The following DDX4 variants were observed in gnomAD, a reference collection of about 807,000 sequenced individuals.
DDX4 encodes DEAD-box helicase 4, also known as probable ATP-dependent RNA helicase DDX4.
In DDX4, 25 loss-of-function variants were observed where a neutral mutation model predicts 100.0. The observed-to-expected ratio is 0.25, with a 90% CI of 0.18 to 0.35. The LOEUF (loss-of-function observed/expected upper bound fraction) is 0.35, where lower values mean the gene tolerates loss of function less well. Ranked by LOEUF, DDX4 falls within the 10% of genes least tolerant of loss-of-function variation. The probability of loss-of-function intolerance (pLI) is 1.00; values close to 1 mark genes in which losing one functional copy is unlikely to be tolerated. For synonymous variants in DDX4, 259 were observed against 275.7 expected (o/e 0.94, Z 0.60); for missense variants, 635 against 882.4 (o/e 0.72, Z 3.55).
At chr5:55,816,384 C>G in intron 21 of DDX4, 79 bp from the exon 22 acceptor site, 1 of 1,516,662 alleles carries the variant, frequency 6.6e-7, no homozygotes, top group South Asian at 1.3e-5. Context: ...TGCTCTCAGT[C>G]TGAGTGATGT....
intron 7 of DDX4, among the ~76,000 whole-genome samples, chr5:55,778,404 C>T (rs1215505544): frequency 6.6e-6 from 1 of 151,396 alleles, no homozygotes; most frequent in Non-Finnish European, 1.5e-5. Flanking sequence ...AGGAAGAAGA[C>T]TAGATTAAAA....
chr5:55,760,942 C>T (rs990731817), intron 4 of DDX4, among the ~76,000 whole-genome samples: 4 of 151,930 alleles, frequency 2.6e-5, no homozygotes, highest in African/African-American at 7.3e-5. Context: ...GATGCCATAG[C>T]GAGGGCTATT....
At chr5:55,815,240 A>T in intron 20 of DDX4, 69 bp downstream of exon 20, 1 of 1,598,186 alleles carries the variant, frequency 6.3e-7, no homozygotes, top group Non-Finnish European at 8.5e-7. Context: ...CATTTTATGC[A>T]TGTGTATATA....
chr5:55,810,452 T>C (rs1421187094), intron 18 of DDX4, among the ~76,000 whole-genome samples: 1 of 152,176 alleles, frequency 6.6e-6, no homozygotes, highest in Non-Finnish European at 1.5e-5. Context: ...TGCAGTACGT[T>C]TATCACTTGA....
intron 18 of DDX4, among the ~76,000 whole-genome samples, chr5:55,808,776 A>G (rs1026171337): frequency 6.6e-6 from 1 of 152,150 alleles, no homozygotes; most frequent in Non-Finnish European, 1.5e-5. Flanking sequence ...GACCCGCTTG[A>G]GGAGGCAGTC....
At chr5:55,789,020 C>T (rs1380864776) in intron 15 of DDX4, among the ~76,000 whole-genome samples, 1 of 152,082 alleles carries the variant, frequency 6.6e-6, no homozygotes, top group Non-Finnish European at 1.5e-5. Context: ...GTGATTGCGC[C>T]ACTGCATTCC....
In DDX4 at chr5:55,767,910, A is replaced by G. The variant is rs141132406; in HGVS notation, c.364A>G (p.Thr122Ala). ...TAGTAATGACTGCGAAGATAATCCA[A>G]CACGGAACAGAGGGTTTTCCAAGAG... ...ESSNDCEDNPTRNRGFSKRGG... is the reference protein window; with the variant it reads ...ESSNDCEDNPARNRGFSKRGG... The change falls in exon 7 of 22, where the codon ACA becomes GCA. Residue 122 changes from threonine to alanine, a missense_variant. Around this residue, in one of 4 missense-constraint regions of DDX4, gnomAD observed 446 missense variants for 540.8 expected, o/e 0.82. Transcript: ENST00000505374. The G allele has an allele frequency of 5.5e-5, 88 of 1,614,026 alleles. No individual in the cohort carries two copies. In the African/African-American group the frequency reaches 1.0e-3, roughly 19 times the overall value.
chr5:55,769,995 G>A (rs535592757), intron 7 of DDX4, among the ~76,000 whole-genome samples: 1 of 151,754 alleles, frequency 6.6e-6, no homozygotes, highest in African/African-American at 2.4e-5. Flanking sequence ...ACCCTCTCTA[G>A]TAGCTGGGAC....
At chr5:55,743,561 C>G (rs2111573676) in intron 2 of DDX4, among the ~76,000 whole-genome samples, 1 of 152,232 alleles carries the variant, frequency 6.6e-6, no homozygotes, top group Admixed American at 6.5e-5. Flanking sequence ...TCCTGAGTAG[C>G]TGGGATTACA....
chr5:55,753,487 T>C (rs572600198), intron 3 of DDX4, among the ~76,000 whole-genome samples: 6 of 152,310 alleles, frequency 3.9e-5, no homozygotes, highest in South Asian at 2.1e-4. Flanking sequence ...GTTGTAGATA[T>C]GCTGCGTTAT....
intron 18 of DDX4, 89 bp downstream of exon 18, chr5:55,798,660 CTT>C: frequency 5.5e-6 from 7 of 1,275,882 alleles, no homozygotes; most frequent in Non-Finnish European, 7.3e-6. Flanking sequence ...TTTGGTCTGA[CTT>C]TTCATAAGTT....
chr5:55,763,051 C>T (rs933087247), intron 4 of DDX4, 124 bp from the exon 5 acceptor site: 26 of 589,152 alleles, frequency 4.4e-5, no homozygotes, highest in Non-Finnish European at 6.6e-5. Flanking sequence ...TTTTAGGTTT[C>T]TGTGCTACTC....
chr5:55,766,690 A>G (rs1184491950), intron 6 of DDX4, among the ~76,000 whole-genome samples: 2 of 152,120 alleles, frequency 1.3e-5, no homozygotes, highest in Non-Finnish European at 2.9e-5. Flanking sequence ...ATGGATTGGG[A>G]CTTTCACACA....
chr5:55,767,268 G>A (rs938641716), intron 6 of DDX4, among the ~76,000 whole-genome samples: 10 of 152,034 alleles, frequency 6.6e-5, no homozygotes, highest in Non-Finnish European at 1.2e-4. Context: ...TGGCAAAACC[G>A]CATCTCTCCT....
intron 18 of DDX4, among the ~76,000 whole-genome samples, chr5:55,808,511 A>C (rs561427433): frequency 5.9e-5 from 9 of 151,978 alleles, no homozygotes; most frequent in Middle Eastern, 6.8e-3. Flanking sequence ...GATGTCCTTT[A>C]TGTTTGTTAG....
intron 21 of DDX4, among the ~76,000 whole-genome samples, chr5:55,815,921 G>A (rs1393204629): frequency 1.4e-5 from 2 of 146,348 alleles, no homozygotes; most frequent in Non-Finnish European, 3.0e-5. Flanking sequence ...ACAGGCATGT[G>A]CCACCATCTT....
chr5:55,799,952 T>C (rs1018302622), intron 18 of DDX4, among the ~76,000 whole-genome samples: 1 of 150,614 alleles, frequency 6.6e-6, no homozygotes, highest in Non-Finnish European at 1.5e-5. Flanking sequence ...TAAAAAGCAC[T>C]TACAGGCTTC....
chr5:55,810,351 C>T lies in DDX4; in HGVS notation c.1616-3322C>T, dbSNP rs544462781. Reference sequence around the variant, plus strand: ...AACTCCTGACCTCAGGTGATCCGCCCGCCTTGGCCTCCCAAAGTGCTGGAA... The same window carrying T: ...AACTCCTGACCTCAGGTGATCCGCCTGCCTTGGCCTCCCAAAGTGCTGGAA... On this transcript the variant is annotated intron_variant, in intron 18 of 21. Coordinates refer to ENST00000505374, the MANE Select transcript of DDX4 (RefSeq NM_024415.3). Among the ~76,000 whole-genome samples, 287 of 152,266 alleles carry T rather than the reference C, an allele frequency of 1.9e-3. 1 individual carries two copies. Among genetic ancestry groups the T allele is most frequent in the African/African-American group, 6.0e-3 (251 of 41,554 alleles).
intron 6 of DDX4, chr5:55,767,006 C>T (rs1222657647): frequency 3.3e-6 from 5 of 1,512,828 alleles, no homozygotes; most frequent in Non-Finnish European, 4.4e-6. Flanking sequence ...ATCTCTCATA[C>T]TACTATTTTA....
Sources: gnomAD v4.1 joint callset for allele counts (sites outside exome capture counted in the v4.1 genomes callset) on GRCh38, gnomAD v4.1.1 for gene constraint, gnomAD v4.1.1 regional missense constraint, MANE v1.5 for transcripts, NCBI Gene and HGNC (gene_info 2026-07-23, HGNC 2026-07-21) for gene names.